Variants in GPA33 observed in about 807,000 individuals in gnomAD.
GPA33 encodes glycoprotein A33.
A neutral mutation model predicts 35.6 loss-of-function variants in GPA33; 27 were observed. That is an observed-to-expected ratio of 0.76 (90% CI 0.56 to 1.04). GPA33 has a LOEUF of 1.04. Ranked by LOEUF, GPA33 falls within the 50% of genes least tolerant of loss-of-function variation. GPA33 has a pLI of 0.00. For missense variants in GPA33, 428 were observed against 411.9 expected, an observed-to-expected ratio of 1.04 and a Z score of -0.34; for synonymous variants, 176 against 164.0, an observed-to-expected ratio of 1.07 and a Z score of -0.56.
At chr1:167,073,721 C>A (rs185106651) in intron 1 of GPA33, among the ~76,000 whole-genome samples, 182 bp from the exon 2 acceptor site, 6 of 152,292 alleles carry the variant, frequency 3.9e-5, no homozygotes, top group Middle Eastern at 3.4e-3. Context: ...GCGATGAGGA[C>A]AAACACATGG....
chr1:167,057,205 T>C (rs370769540), intron 4 of GPA33, among the ~76,000 whole-genome samples: 1 of 152,082 alleles, frequency 6.6e-6, no homozygotes, highest in African/African-American at 2.4e-5. Context: ...CTGATCCTCC[T>C]GAATCGAAGA....
intron 4 of GPA33, among the ~76,000 whole-genome samples, chr1:167,060,107 C>A (rs115478127): frequency 2.7e-3 from 415 of 152,294 alleles, no homozygotes; most frequent in African/African-American, 9.2e-3. Flanking sequence ...AAGATAAGAT[C>A]TGGCTCTAGT....
At chr1:167,084,915 C>T (rs1558012129) in intron 1 of GPA33, among the ~76,000 whole-genome samples, 1 of 152,226 alleles carries the variant, frequency 6.6e-6, no homozygotes, top group Non-Finnish European at 1.5e-5. Flanking sequence ...AGGTTTCTGG[C>T]TTTCATTCCT....
intron 1 of GPA33, among the ~76,000 whole-genome samples, chr1:167,080,296 T>C (rs572638176): frequency 1.3e-5 from 2 of 152,352 alleles, no homozygotes; most frequent in East Asian, 3.9e-4. Context: ...TATCAATGTG[T>C]TAACCTCCAG....
chr1:167,064,040 C>T (rs192883948), intron 3 of GPA33, among the ~76,000 whole-genome samples: 74 of 152,174 alleles, frequency 4.9e-4, no homozygotes, highest in Admixed American at 1.4e-3. Context: ...TTAAAGATAG[C>T]GGAACATGGC....
In GPA33 at chr1:167,054,973, C is replaced by G; in HGVS notation, c.827+3G>C. 1 of 1,614,040 alleles carries G rather than the reference C, an allele frequency of 6.2e-7. No individual in the cohort carries two copies. The highest frequency in any genetic ancestry group is 2.2e-5 in the East Asian group (1 of 44,878). Reference sequence around the variant, plus strand: ...CCAACAGGCTACCAGCCCAGACACTCACGGCCTTGCATCCTCCTTGTCTTC... The same window carrying G: ...CCAACAGGCTACCAGCCCAGACACTGACGGCCTTGCATCCTCCTTGTCTTC... On this transcript the variant is annotated splice_donor_region_variant and intron_variant, in intron 6 of 6. Coordinates refer to ENST00000367868, the MANE Select transcript of GPA33 (RefSeq NM_005814.3).
At chr1:167,077,224 A>C (rs1666841578) in intron 1 of GPA33, among the ~76,000 whole-genome samples, 1 of 151,924 alleles carries the variant, frequency 6.6e-6, no homozygotes, top group African/African-American at 2.4e-5. Flanking sequence ...AAAAAAGAGA[A>C]GAAAACACAT....
intron 1 of GPA33, among the ~76,000 whole-genome samples, chr1:167,076,357 C>T (rs1453216292): frequency 2.6e-5 from 4 of 152,000 alleles, no homozygotes; most frequent in Non-Finnish European, 5.9e-5. Flanking sequence ...TGCAAGTGGG[C>T]TGGTAGATTT....
chr1:167,062,793 C>G (rs1486247376), intron 4 of GPA33, among the ~76,000 whole-genome samples: 1 of 151,742 alleles, frequency 6.6e-6, no homozygotes, highest in Non-Finnish European at 1.5e-5. Flanking sequence ...ATGGTGCTGT[C>G]GTTGTGTGGA....
intron 3 of GPA33, among the ~76,000 whole-genome samples, chr1:167,064,303 A>T (rs1160817178): frequency 7.6e-6 from 1 of 131,248 alleles, no homozygotes; most frequent in Non-Finnish European, 1.7e-5. Context: ...AAAGAAAAGA[A>T]AAAAAGAAAA....
intron 3 of GPA33, among the ~76,000 whole-genome samples, chr1:167,067,008 A>G (rs958862696): frequency 2.3e-4 from 35 of 152,264 alleles, no homozygotes; most frequent in Middle Eastern, 3.2e-3. Flanking sequence ...CAAAGCCATT[A>G]GGAAAGAAAA....
At chr1:167,056,590 TGTGTGTATGTG>T (rs1300558692) in intron 4 of GPA33, among the ~76,000 whole-genome samples, 4 of 230 alleles carry the variant, frequency 0.017, no homozygotes, top group African/African-American at 0.032. Flanking sequence ...ATGTGTGGTA[TGTGTGTATGTG>T]GTGTGTGTAG....
At chr1:167,067,206 G>A (rs897729494) in intron 3 of GPA33, among the ~76,000 whole-genome samples, 3 of 152,068 alleles carry the variant, frequency 2.0e-5, no homozygotes, top group Non-Finnish European at 4.4e-5. Flanking sequence ...TCACCCAGGT[G>A]GGAGAGCAGC....
In GPA33 at chr1:167,077,363, G is replaced by A. The variant is rs145627218; in HGVS notation, c.44-3824C>T. Among the ~76,000 whole-genome samples the A allele has an allele frequency of 1.8e-3, 268 of 152,232 alleles. 2 individuals are homozygous for A. The highest frequency in any genetic ancestry group is 6.3e-3 in the African/African-American group (263 of 41,530). The stretch of plus-strand genomic sequence containing the variant: ...CTAGATATCATTTCTCATATGCCTG[G>A]TGTAGTCATGGCAACTGCCACTGAT... On this transcript the variant is annotated intron_variant, in intron 1 of 6. Coordinates refer to ENST00000367868, the MANE Select transcript of GPA33 (RefSeq NM_005814.3).
intron 1 of GPA33, among the ~76,000 whole-genome samples, chr1:167,075,156 C>T (rs1231722482): frequency 6.6e-6 from 1 of 152,120 alleles, no homozygotes; most frequent in Non-Finnish European, 1.5e-5. Context: ...CCACCTCAGC[C>T]TCCCAAAGTG....
At position 167,055,127 on chromosome 1, in the gene GPA33, G is replaced by T. The variant is rs562657939; in HGVS notation, c.692-16C>A. 5.6e-6 allele frequency: 9 copies of T among 1,611,106 alleles called. No homozygotes were observed. In the Admixed American group the frequency reaches 1.5e-4, roughly 27 times the overall value. On this transcript the variant is annotated splice_polypyrimidine_tract_variant and intron_variant, in intron 5 of 6. Transcript: ENST00000367868. ...TTCATGGAGGCTGCAAGAGGACAGA[G>T]CAGCTGCACTTGCCGAGCTTCTAAG...
chr1:167,087,452 T>C (rs1049943464), intron 1 of GPA33, among the ~76,000 whole-genome samples: 2 of 152,190 alleles, frequency 1.3e-5, no homozygotes, highest in Non-Finnish European at 2.9e-5. Context: ...GCAAGAAGAC[T>C]TTAGCAAAGT....
At position 167,071,107 on chromosome 1, in the gene GPA33, G is replaced by C. The variant is rs1666708930; in HGVS notation, c.199-1969C>G. Among the ~76,000 whole-genome samples, 2 of 152,134 alleles carry C rather than the reference G, an allele frequency of 1.3e-5. 1 individual carries two copies. The highest frequency in any genetic ancestry group is 1.3e-4 in the Admixed American group (2 of 15,276). On this transcript the variant is annotated intron_variant, in intron 2 of 6. Coordinates refer to ENST00000367868, the MANE Select transcript of GPA33 (RefSeq NM_005814.3). ...TCGATGTTCACTGAGACATGGGCTA[G>C]ATGAAGCCACCCGGGATAAATAAGT...
At position 167,076,591 on chromosome 1, in the gene GPA33, A is replaced by T. The variant is rs547762928; in HGVS notation, c.44-3052T>A. On this transcript the variant is annotated intron_variant, in intron 1 of 6. Coordinates refer to ENST00000367868, the MANE Select transcript of GPA33 (RefSeq NM_005814.3). ...TTCATACTTCATTAAGCAGTATTTC[A>T]TAAGGTGAAAGTCAGCCACCCTCCT... 1.6e-3 allele frequency among the ~76,000 whole-genome samples: 240 copies of T among 152,308 alleles called. 2 individuals carry two copies. The highest frequency in any genetic ancestry group is 5.4e-3 in the African/African-American group (223 of 41,570).
Sources: allele counts gnomAD v4.1 joint callset (sites outside exome capture counted in the v4.1 genomes callset), GRCh38; gene constraint gnomAD v4.1.1; transcripts MANE v1.5; gene names NCBI Gene and HGNC (gene_info 2026-07-23, HGNC 2026-07-21).